SORCS2: variants seen among roughly 807,000 people sequenced by gnomAD.
SORCS2 encodes the protein VPS10 domain-containing receptor SorCS2.
Under a neutral mutation model 141.6 loss-of-function variants are expected in SORCS2, and 100 were observed. That is an observed-to-expected ratio of 0.71 (90% CI 0.60 to 0.83). The LOEUF (loss-of-function observed/expected upper bound fraction) is 0.83, where lower values mean the gene tolerates loss of function less well. Ranked by LOEUF, SORCS2 falls within the 40% of genes least tolerant of loss-of-function variation. SORCS2 has a pLI of 0.00. For missense variants in SORCS2, 1,646 were observed against 1,560.2 expected (o/e 1.05, Z -0.93); for synonymous variants, 789 against 676.9 (o/e 1.17, Z -2.57).
chr4:7,683,206 T>A (rs923550185), intron 10 of SORCS2, among the ~76,000 whole-genome samples: 5 of 152,220 alleles, frequency 3.3e-5, no homozygotes, highest in African/African-American at 1.2e-4. Context: ...TTGTCTGGGC[T>A]GAGCTGGGCA....
chr4:7,647,619 C>T (rs1028240932), intron 4 of SORCS2, among the ~76,000 whole-genome samples: 1 of 152,208 alleles, frequency 6.6e-6, no homozygotes, highest in African/African-American at 2.4e-5. Context: ...AAGGCGAGTT[C>T]AGGAATTCAT....
At chr4:7,266,289 G>A (rs1039215969) in intron 1 of SORCS2, among the ~76,000 whole-genome samples, 6 of 152,188 alleles carry the variant, frequency 3.9e-5, no homozygotes, top group African/African-American at 1.4e-4. Context: ...TGGAAGTTGG[G>A]AGAAGATGCT....
chr4:7,487,127 ATG>A, intron 2 of SORCS2, among the ~76,000 whole-genome samples: 1 of 152,072 alleles, frequency 6.6e-6, no homozygotes, highest in Non-Finnish European at 1.5e-5. Context: ...GGTGGTAACG[ATG>A]TGACTCACCC....
At position 7,314,077 on chromosome 4, in the gene SORCS2, C is replaced by T. The variant is rs60471927; in HGVS notation, c.481-82211C>T. Among the ~76,000 whole-genome samples the T allele has an allele frequency of 3.1e-3, 477 of 152,316 alleles. 2 individuals carry two copies. Among genetic ancestry groups the T allele is most frequent in the African/African-American group, 0.011 (450 of 41,578 alleles). On this transcript the variant is annotated intron_variant, in intron 1 of 26. Coordinates refer to ENST00000507866, the MANE Select transcript of SORCS2 (RefSeq NM_020777.3). ...GGCTGGAGCCCCCAGATCCCCAACC[C>T]GTGGTGCTTCCAGCAGCACATCTGC...
chr4:7,392,263 G>A (rs1723913983), intron 1 of SORCS2, among the ~76,000 whole-genome samples: 1 of 152,226 alleles, frequency 6.6e-6, no homozygotes, highest in Non-Finnish European at 1.5e-5. Context: ...GCATTGCTGT[G>A]AAGGAGCCCT....
At chr4:7,726,966 G>A in intron 21 of SORCS2, 63 bp downstream of exon 21, 3 of 1,559,080 alleles carry the variant, frequency 1.9e-6, no homozygotes, top group South Asian at 1.2e-5. Context: ...CAGGAAGCCA[G>A]GCCACATGGG....
At chr4:7,542,146 C>T (rs1016619851) in intron 3 of SORCS2, among the ~76,000 whole-genome samples, 16 of 152,358 alleles carry the variant, frequency 1.1e-4, no homozygotes, top group African/African-American at 3.8e-4. Flanking sequence ...TCCTCCTCAC[C>T]CCTCATGGGC....
In SORCS2 at chr4:7,249,577, G is replaced by A. The variant is rs548413878; in HGVS notation, c.480+56451G>A. 9.8e-5 allele frequency among the ~76,000 whole-genome samples: 15 copies of A among 152,286 alleles called. No homozygotes were observed. The East Asian group carries it at 1.9e-3, about 20-fold the overall frequency. On this transcript the variant is annotated intron_variant, in intron 1 of 26. Transcript: ENST00000507866. ...TGTCATTTGTGAGGGCTTCTAGGGCGCCAGGTCCTTGTCTAGGGGCTTTTC... is the reference window on the plus strand; with the variant it reads ...TGTCATTTGTGAGGGCTTCTAGGGCACCAGGTCCTTGTCTAGGGGCTTTTC...
At chr4:7,650,346 G>A (rs1721353318) in intron 4 of SORCS2, among the ~76,000 whole-genome samples, 1 of 152,230 alleles carries the variant, frequency 6.6e-6, no homozygotes, top group African/African-American at 2.4e-5. Flanking sequence ...GGTGTTATCA[G>A]GCGGTGATCG....
intron 2 of SORCS2, among the ~76,000 whole-genome samples, chr4:7,517,801 A>G (rs147936954): frequency 3.1e-4 from 47 of 152,332 alleles, no homozygotes; most frequent in African/African-American, 1.0e-3. Flanking sequence ...AATAATGAAA[A>G]TGTTGTTCAC....
intron 2 of SORCS2, among the ~76,000 whole-genome samples, chr4:7,447,621 C>T (rs35642757): frequency 6.6e-6 from 1 of 151,922 alleles, no homozygotes; most frequent in African/African-American, 2.4e-5. Flanking sequence ...TAAGTCCATC[C>T]ATGCATTGGG....
intron 2 of SORCS2, among the ~76,000 whole-genome samples, chr4:7,458,620 C>G (rs731634): frequency 6.6e-6 from 1 of 152,020 alleles, no homozygotes; most frequent in Non-Finnish European, 1.5e-5. Context: ...GTGGGATGAT[C>G]TCGCTTTCAT....
At chr4:7,513,904 G>A (rs1455630813) in intron 2 of SORCS2, among the ~76,000 whole-genome samples, 2 of 152,218 alleles carry the variant, frequency 1.3e-5, no homozygotes, top group Non-Finnish European at 2.9e-5. Context: ...AGTTATTATG[G>A]TGCTGTGGCT....
intron 10 of SORCS2, among the ~76,000 whole-genome samples, chr4:7,683,261 C>T (rs1206774355): frequency 2.4e-5 from 2 of 83,174 alleles, no homozygotes; most frequent in Non-Finnish European, 4.5e-5. Flanking sequence ...CTCTGCTGAC[C>T]TTGGCTGGGC....
chr4:7,193,179 A>G lies in SORCS2; in HGVS notation c.480+53A>G, dbSNP rs1040577743. On this transcript the variant is annotated intron_variant, in intron 1 of 26. Transcript: ENST00000507866. This position sits in a 1 kb window ranked among gnomAD's most constrained non-coding sequence, Gnocchi z 4.8. ...GCCCCTACCCGGGACACCGCGGGAC[A>G]CCCGGGCGGGACCGCCACGGCCCCC... is the stretch of plus-strand genomic sequence containing the variant. 8 of 1,428,538 alleles carry G rather than the reference A, an allele frequency of 5.6e-6. No individual in the cohort carries two copies. The highest frequency in any genetic ancestry group is 6.4e-6 in the Non-Finnish European group (7 of 1,094,656). The allele number at this position is 1,428,538 out of a possible 1,614,324, so 88.5% of individuals were successfully genotyped here.
At chr4:7,542,595 A>G (rs1712768016) in intron 3 of SORCS2, among the ~76,000 whole-genome samples, 1 of 152,208 alleles carries the variant, frequency 6.6e-6, no homozygotes, top group Admixed American at 6.5e-5. Flanking sequence ...GCCTTCGGGA[A>G]GCATTGTTGA....
At chr4:7,442,901 C>T (rs1200353135) in intron 2 of SORCS2, among the ~76,000 whole-genome samples, 3 of 152,164 alleles carry the variant, frequency 2.0e-5, no homozygotes, top group Middle Eastern at 3.4e-3. Flanking sequence ...TTGGCGGGGC[C>T]GTGCTCCCTC....
chr4:7,598,480 C>A (rs572469591), intron 3 of SORCS2, among the ~76,000 whole-genome samples: 1 of 152,154 alleles, frequency 6.6e-6, no homozygotes, highest in Non-Finnish European at 1.5e-5. Context: ...CTTCTCCCTC[C>A]GCTGTGATCA....
chr4:7,233,885 C>G lies in SORCS2; in HGVS notation c.480+40759C>G, dbSNP rs1304618483. ...CACTTGTAATACACTGTCCTGTCCG[C>G]TATCCCATCCCCTTCTCTGGTCTCA... On this transcript the variant is annotated intron_variant, in intron 1 of 26. Transcript: ENST00000507866. This position sits in a 1 kb window ranked among gnomAD's most constrained non-coding sequence, Gnocchi z 4.5. Among the ~76,000 whole-genome samples the G allele has an allele frequency of 6.6e-6, 1 of 152,204 alleles. No homozygotes were observed. The highest frequency in any genetic ancestry group is 1.5e-5 in the Non-Finnish European group (1 of 68,038).
Sources: allele counts gnomAD v4.1 joint callset (sites outside exome capture counted in the v4.1 genomes callset), GRCh38; gene constraint gnomAD v4.1.1; non-coding constraint Gnocchi (gnomAD v3.1); transcripts MANE v1.5; gene names NCBI Gene and HGNC (gene_info 2026-07-23, HGNC 2026-07-21).